VPS13D: variants seen among roughly 807,000 people sequenced by gnomAD.
VPS13D encodes the protein vacuolar protein sorting 13 homolog D.
VPS13D carries 187 observed loss-of-function variants against 461.9 expected under a neutral mutation model. The ratio of observed to expected loss-of-function variants is 0.40; its 90% confidence interval spans 0.36 to 0.46. VPS13D has a LOEUF of 0.46. Among genes scored for constraint, VPS13D ranks in the 20% least tolerant of loss-of-function variants. VPS13D has a pLI of 0.60. For synonymous variants in VPS13D, 1,951 were observed against 1,986.3 expected, an observed-to-expected ratio of 0.98 and a Z score of 0.47; for missense variants, 4,711 against 5,364.9, an observed-to-expected ratio of 0.88 and a Z score of 3.81.
chr1:12,293,465 T>C, intron 23 of VPS13D, 59 bp from the exon 24 acceptor site: 1 of 1,481,200 alleles, frequency 6.8e-7, no homozygotes, highest in Middle Eastern at 1.8e-4. Context: ...CTGAGTTTTC[T>C]TGAAATACTA....
At chr1:12,403,688 C>T in intron 62 of VPS13D, 137 bp from the exon 63 acceptor site, 1 of 764,688 alleles carries the variant, frequency 1.3e-6, no homozygotes, top group Non-Finnish European at 2.0e-6. Flanking sequence ...CGTCACTGTA[C>T]CCTCACAAAC....
At chr1:12,368,182 C>CAT (rs1553184304) in intron 52 of VPS13D, among the ~76,000 whole-genome samples, 1 of 152,218 alleles carries the variant, frequency 6.6e-6, no homozygotes, top group Non-Finnish European at 1.5e-5. Context: ...TATACACACA[C>CAT]ACATACATAC....
At chr1:12,410,116 A>C (rs946627127) in intron 63 of VPS13D, among the ~76,000 whole-genome samples, 2 of 152,242 alleles carry the variant, frequency 1.3e-5, no homozygotes, top group African/African-American at 4.8e-5. Context: ...GAGAAGGGAC[A>C]GGCAGAAAAC....
chr1:12,323,949 C>T (rs781452747), intron 35 of VPS13D, among the ~76,000 whole-genome samples, 169 bp downstream of exon 35: 17 of 152,170 alleles, frequency 1.1e-4, no homozygotes, highest in Admixed American at 2.0e-4. Flanking sequence ...AATAACGTCA[C>T]CCAGGCTGGA....
At position 12,416,616 on chromosome 1, in the gene VPS13D, A is replaced by T. The variant is rs763952686; in HGVS notation, c.12166-44A>T. The T allele has an allele frequency of 1.9e-6, 3 of 1,588,074 alleles. No individual in the cohort carries two copies. In the Admixed American group the frequency reaches 5.4e-5, roughly 29 times the overall value. ...TGGGACACTGGTATCTGCAAATATA[A>T]GTAGATGCTGATTGGACTTTTCTCT... is the stretch of plus-strand genomic sequence containing the variant. On this transcript the variant is annotated intron_variant, in intron 64 of 69. Transcript: ENST00000620676.
At chr1:12,410,252 C>A (rs770300875) in intron 63 of VPS13D, among the ~76,000 whole-genome samples, 7 of 152,190 alleles carry the variant, frequency 4.6e-5, no homozygotes, top group Non-Finnish European at 1.0e-4. Context: ...GTCTTCTAAG[C>A]AGTTTTGTGG....
At chr1:12,233,752 T>C (rs1221858792) in intron 1 of VPS13D, among the ~76,000 whole-genome samples, 2 of 152,108 alleles carry the variant, frequency 1.3e-5, no homozygotes, top group Non-Finnish European at 1.5e-5. Context: ...TGCCTCATCT[T>C]TTAAAACATC....
intron 5 of VPS13D, among the ~76,000 whole-genome samples, chr1:12,247,807 G>T (rs969096051): frequency 6.7e-6 from 1 of 150,028 alleles, no homozygotes; most frequent in Non-Finnish European, 1.5e-5. Context: ...GGATTCAAGC[G>T]ATTCTCCTGG....
At chr1:12,254,513 CTTTTTTTT>C (rs1017635589) in intron 7 of VPS13D, among the ~76,000 whole-genome samples, 1 of 78,240 alleles carries the variant, frequency 1.3e-5, no homozygotes, top group African/African-American at 5.0e-5. Context: ...AAATCTCAAT[CTTTTTTTT>C]TTTTTTTTTT....
intron 67 of VPS13D, among the ~76,000 whole-genome samples, chr1:12,489,039 C>T (rs1458971234): frequency 6.6e-6 from 1 of 152,190 alleles, no homozygotes; most frequent in Non-Finnish European, 1.5e-5. Flanking sequence ...AAAATTATGG[C>T]CTTTAAAGAA....
Position 12,230,130 on chromosome 1 carries a change from G to A in VPS13D, c.-77+10G>A, listed in dbSNP as rs12083776. The A allele has an allele frequency of 6.6e-6, 1 of 151,918 alleles. No homozygotes were observed. Among genetic ancestry groups the A allele is most frequent in the South Asian group, 2.1e-4 (1 of 4,838 alleles). 9.4% of individuals were successfully genotyped at this position (151,918 alleles called of 1,614,324 possible). ...CCCGGGACACCGACAGGTAGGGGCC[G>A]AGCGGCTCCGTGCCGGGCGGGGCCA... On this transcript the variant is annotated intron_variant, in intron 1 of 69. Transcript: ENST00000620676.
intron 65 of VPS13D, among the ~76,000 whole-genome samples, chr1:12,448,803 A>G (rs1444074991): frequency 1.3e-5 from 2 of 152,176 alleles, no homozygotes; most frequent in African/African-American, 2.4e-5. Flanking sequence ...GCAAAATCCT[A>G]TTATGGGAAT....
intron 65 of VPS13D, among the ~76,000 whole-genome samples, chr1:12,445,310 C>T (rs1299792478): frequency 1.3e-5 from 2 of 152,196 alleles, no homozygotes; most frequent in African/African-American, 4.8e-5. Context: ...TCTTTCTAGT[C>T]GTTGAAGGTT....
chr1:12,427,017 G>GAAAT (rs148686366), intron 65 of VPS13D, among the ~76,000 whole-genome samples: 268 of 151,838 alleles, frequency 1.8e-3, no homozygotes, highest in African/African-American at 4.3e-3. Context: ...TTCGTCTCAA[G>GAAAT]AAATAAATAA....
chr1:12,263,107 A>G (rs151084194), intron 13 of VPS13D, among the ~76,000 whole-genome samples: 2 of 152,290 alleles, frequency 1.3e-5, no homozygotes, highest in Non-Finnish European at 2.9e-5. Context: ...GGCCTATAGC[A>G]CTATACCTCA....
chr1:12,458,228 G>A (rs1165201887), intron 66 of VPS13D, among the ~76,000 whole-genome samples: 1 of 152,204 alleles, frequency 6.6e-6, no homozygotes, highest in African/African-American at 2.4e-5. Flanking sequence ...CCCTTAGGAT[G>A]AAAAGACCTT....
At chr1:12,371,684 C>G (rs532410084) in intron 54 of VPS13D, among the ~76,000 whole-genome samples, 4 of 152,182 alleles carry the variant, frequency 2.6e-5, no homozygotes, top group Non-Finnish European at 5.9e-5. Flanking sequence ...TGAGCCACTG[C>G]TCCTGGCCCA....
At chr1:12,422,120 C>T (rs2100261783) in intron 65 of VPS13D, among the ~76,000 whole-genome samples, 1 of 152,294 alleles carries the variant, frequency 6.6e-6, no homozygotes, top group East Asian at 1.9e-4. Flanking sequence ...TGAGCCACTG[C>T]GCCCAGCCTC....
chr1:12,316,743 T>C (rs1330979728), intron 30 of VPS13D, among the ~76,000 whole-genome samples: 5 of 152,164 alleles, frequency 3.3e-5, no homozygotes, highest in South Asian at 2.1e-4. Context: ...CAGGTACATG[T>C]AGTAGCTACA....
Sources: allele counts gnomAD v4.1 joint callset (sites outside exome capture counted in the v4.1 genomes callset), GRCh38; gene constraint gnomAD v4.1.1; transcripts MANE v1.5; gene names NCBI Gene and HGNC (gene_info 2026-07-23, HGNC 2026-07-21).